CMIP: variants seen among roughly 807,000 people sequenced by gnomAD.
The protein encoded by CMIP is c-Maf inducing protein, also known as C-Maf-inducing protein.
In CMIP, 13 loss-of-function variants were observed where a neutral mutation model predicts 97.3. The observed-to-expected ratio is 0.13, with a 90% CI of 0.09 to 0.21. The LOEUF is 0.21. Ranked by LOEUF, CMIP falls within the 10% of genes least tolerant of loss-of-function variation. CMIP has a pLI of 1.00. For missense variants in CMIP, 847 were observed against 1,024.9 expected (o/e 0.83, Z 2.37); for synonymous variants, 538 against 436.3 (o/e 1.23, Z -2.91).
intron 1 of CMIP, among the ~76,000 whole-genome samples, chr16:81,541,636 A>G (rs949387012): frequency 2.6e-5 from 4 of 152,246 alleles, no homozygotes; most frequent in African/African-American, 9.6e-5. Context: ...GGCTGTCTTT[A>G]TGAAAGCTGA....
intron 1 of CMIP, among the ~76,000 whole-genome samples, chr16:81,449,677 C>CG (rs1195453691): frequency 2.6e-5 from 4 of 151,832 alleles, no homozygotes; most frequent in African/African-American, 7.3e-5. Context: ...TTTCCCCCCC[C>CG]CCCTTTCCAT....
At chr16:81,598,364 G>A (rs1404822380) in intron 1 of CMIP, among the ~76,000 whole-genome samples, 1 of 152,172 alleles carries the variant, frequency 6.6e-6, no homozygotes, top group African/African-American at 2.4e-5. Flanking sequence ...AACAAAATGT[G>A]TAATTTGGTT....
At position 81,655,732 on chromosome 16, in the gene CMIP, G is replaced by C. The variant is rs921540390; in HGVS notation, c.640-2043G>C. On this transcript the variant is annotated intron_variant, in intron 4 of 20. Coordinates refer to ENST00000537098, the MANE Select transcript of CMIP (RefSeq NM_198390.3). The surrounding 1 kb of genome is among the most constrained non-coding windows in gnomAD (Gnocchi z 4.9). ...CTTGGATGGGTGGTGGAGCACTGTA[G>C]CTCAGTGGCAGGAAATATAGACTTT... Among the ~76,000 whole-genome samples, 1 of 152,202 alleles carries C rather than the reference G, an allele frequency of 6.6e-6. No homozygotes were observed. Among genetic ancestry groups the C allele is most frequent in the Non-Finnish European group, 1.5e-5 (1 of 68,032 alleles).
At chr16:81,487,082 C>T (rs925279776) in intron 1 of CMIP, among the ~76,000 whole-genome samples, 2 of 152,080 alleles carry the variant, frequency 1.3e-5, no homozygotes, top group African/African-American at 4.8e-5. Context: ...CAGAAGGGGA[C>T]GCCTGCTGGG....
chr16:81,499,129 G>T (rs1408017005), intron 1 of CMIP, among the ~76,000 whole-genome samples: 1 of 152,066 alleles, frequency 6.6e-6, no homozygotes, highest in African/African-American at 2.4e-5. Flanking sequence ...TTCAGTCCAG[G>T]CTCTTGGCCC....
At chr16:81,458,476 G>A (rs901356874) in intron 1 of CMIP, among the ~76,000 whole-genome samples, 1 of 152,132 alleles carries the variant, frequency 6.6e-6, no homozygotes, top group Admixed American at 6.5e-5. Context: ...AGGGGATCCC[G>A]GCTGATCTCA....
chr16:81,652,514 C>T lies in CMIP; in HGVS notation c.639+150C>T, dbSNP rs1444497598. On this transcript the variant is annotated intron_variant, in intron 4 of 20. Transcript: ENST00000537098. The surrounding 1 kb of genome is among the most constrained non-coding windows in gnomAD (Gnocchi z 5.2). ...GGAGGTGAGCAGTTGCCCACCCAGC[C>T]GTGTGTGGGAGTTGGGAGAGGGAGG... 5 of 683,054 alleles carry T rather than the reference C, an allele frequency of 7.3e-6. No homozygotes were observed. The highest frequency in any genetic ancestry group is 1.2e-5 in the Non-Finnish European group (5 of 404,508). 42.3% of individuals were successfully genotyped at this position (683,054 alleles called of 1,614,324 possible).
intron 1 of CMIP, among the ~76,000 whole-genome samples, chr16:81,557,901 T>C (rs2090797650): frequency 6.6e-6 from 1 of 152,178 alleles, no homozygotes; most frequent in Non-Finnish European, 1.5e-5. Context: ...TCAGAACTCT[T>C]TTCATCTTAT....
chr16:81,563,452 C>T (rs553746965), intron 1 of CMIP, among the ~76,000 whole-genome samples: 1 of 152,302 alleles, frequency 6.6e-6, no homozygotes, highest in African/African-American at 2.4e-5. Context: ...ATCCAAGGTG[C>T]GGTCTATGGA....
At chr16:81,589,679 G>A (rs1228088281) in intron 1 of CMIP, among the ~76,000 whole-genome samples, 1 of 152,152 alleles carries the variant, frequency 6.6e-6, no homozygotes, top group African/African-American at 2.4e-5. Flanking sequence ...CATAACCATC[G>A]ATTCAGCGCA....
intron 10 of CMIP, among the ~76,000 whole-genome samples, chr16:81,680,630 G>A (rs553839327): frequency 3.9e-4 from 60 of 152,328 alleles, no homozygotes; most frequent in Non-Finnish European, 5.0e-4. Context: ...CCAGCCAAGC[G>A]GAATTCCAGA....
chr16:81,569,520 C>T (rs77297149), intron 1 of CMIP, among the ~76,000 whole-genome samples: 9,815 of 152,250 alleles, frequency 0.064, 387 homozygotes, highest in East Asian at 0.21. Context: ...TTCCAGCTGC[C>T]GAGACCTGCA....
At chr16:81,548,230 C>T (rs1275714048) in intron 1 of CMIP, among the ~76,000 whole-genome samples, 5 of 149,790 alleles carry the variant, frequency 3.3e-5, no homozygotes, top group African/African-American at 9.9e-5. Context: ...ACTTCCTGGG[C>T]TCAAGCGATT....
At chr16:81,609,472 C>T (rs1597142597) in intron 2 of CMIP, among the ~76,000 whole-genome samples, 1 of 152,248 alleles carries the variant, frequency 6.6e-6, no homozygotes, top group Non-Finnish European at 1.5e-5. Context: ...TTGCTGTAGT[C>T]ACAGAGCTTT....
chr16:81,538,125 CT>C (rs1355894725), intron 1 of CMIP, among the ~76,000 whole-genome samples: 2 of 152,334 alleles, frequency 1.3e-5, no homozygotes, highest in Non-Finnish European at 1.5e-5. Flanking sequence ...TGTACCCATT[CT>C]TAGATGGGGG....
chr16:81,527,239 G>A (rs888827953), intron 1 of CMIP, among the ~76,000 whole-genome samples: 1 of 152,232 alleles, frequency 6.6e-6, no homozygotes. Flanking sequence ...TTGGCCGGGA[G>A]CCCACGGTGG....
At chr16:81,694,707 TATGCGTTTTG>T (rs1906502790) in intron 13 of CMIP, among the ~76,000 whole-genome samples, 1 of 152,208 alleles carries the variant, frequency 6.6e-6, no homozygotes, top group African/African-American at 2.4e-5. Flanking sequence ...GAGCCAAGCA[TATGCGTTTTG>T]ATGCGTTTTG....
chr16:81,699,345 T>C (rs1449424482), intron 14 of CMIP, among the ~76,000 whole-genome samples: 1 of 152,258 alleles, frequency 6.6e-6, no homozygotes, highest in Admixed American at 6.5e-5. Flanking sequence ...TTTAGTATTA[T>C]AGATTTATAC....
chr16:81,568,080 C>A (rs1289749664), intron 1 of CMIP, among the ~76,000 whole-genome samples: 1 of 127,702 alleles, frequency 7.8e-6, no homozygotes, highest in African/African-American at 3.0e-5. Flanking sequence ...AGAAACTGTA[C>A]AGAAAAGAGG....
Sources: allele counts gnomAD v4.1 joint callset (sites outside exome capture counted in the v4.1 genomes callset), GRCh38; gene constraint gnomAD v4.1.1; non-coding constraint Gnocchi (gnomAD v3.1); transcripts MANE v1.5; gene names NCBI Gene and HGNC (gene_info 2026-07-23, HGNC 2026-07-21).